Variants in MACROD2 observed in about 807,000 individuals in gnomAD.
The protein encoded by MACROD2 is ADP-ribose glycohydrolase MACROD2.
A neutral mutation model predicts 70.4 loss-of-function variants in MACROD2; 36 were observed. The ratio of observed to expected loss-of-function variants is 0.51; its 90% CI spans 0.39 to 0.68. The LOEUF (loss-of-function observed/expected upper bound fraction) is 0.68, where lower values mean the gene tolerates loss of function less well. Ranked by LOEUF, MACROD2 falls within the 30% of genes least tolerant of loss-of-function variation. MACROD2 has a pLI of 0.00. For missense variants in MACROD2, 496 were observed against 538.4 expected, an observed-to-expected ratio of 0.92 and a Z score of 0.78; for synonymous variants, 172 against 178.8, an observed-to-expected ratio of 0.96 and a Z score of 0.30.
intron 2 of MACROD2, among the ~76,000 whole-genome samples, chr20:14,025,463 TTTCTCCTGTGG>T (rs748404416): frequency 2.6e-5 from 4 of 152,200 alleles, no homozygotes; most frequent in Non-Finnish European, 5.9e-5. Context: ...TCTTTCCCAC[TTTCTCCTGTGG>T]GCATTTAGTG....
chr20:14,286,939 T>C (rs982828841), intron 3 of MACROD2, among the ~76,000 whole-genome samples: 7 of 152,184 alleles, frequency 4.6e-5, no homozygotes, highest in Admixed American at 3.3e-4. Flanking sequence ...ACATTATTCT[T>C]CCAATATTTT....
intron 6 of MACROD2, among the ~76,000 whole-genome samples, chr20:15,310,455 A>T (rs1469794809): frequency 6.6e-6 from 1 of 152,176 alleles, no homozygotes; most frequent in East Asian, 1.9e-4. Context: ...CATTTCCCTG[A>T]GAGCTGCCAA....
intron 8 of MACROD2, among the ~76,000 whole-genome samples, chr20:15,835,706 T>C (rs1267941043): frequency 6.6e-6 from 1 of 152,190 alleles, no homozygotes; most frequent in African/African-American, 2.4e-5. Context: ...ATGAGGAAAC[T>C]GAAGCTTAGA....
intron 7 of MACROD2, among the ~76,000 whole-genome samples, chr20:15,470,472 A>G (rs138746781): frequency 1.7e-3 from 264 of 152,186 alleles, no homozygotes; most frequent in Non-Finnish European, 3.1e-3. Context: ...AACCTTCAAC[A>G]GGGGTTGGAG....
intron 7 of MACROD2, among the ~76,000 whole-genome samples, chr20:15,471,062 C>CT (rs768472106): frequency 1.2e-4 from 19 of 152,176 alleles, no homozygotes; most frequent in Non-Finnish European, 2.6e-4. Flanking sequence ...GTATGTGCCC[C>CT]TTTCTCCTCT....
chr20:15,846,736 G>A (rs1026037282), intron 8 of MACROD2, among the ~76,000 whole-genome samples: 9 of 151,928 alleles, frequency 5.9e-5, no homozygotes, highest in African/African-American at 9.7e-5. Flanking sequence ...AAAACATGGC[G>A]AAATGTCAGA....
chr20:15,710,870 C>T (rs905806067), intron 8 of MACROD2, among the ~76,000 whole-genome samples: 6 of 152,082 alleles, frequency 3.9e-5, no homozygotes, highest in Admixed American at 1.3e-4. Flanking sequence ...ATGTATTGGC[C>T]CCCAGAGACT....
At chr20:14,368,764 T>A (rs2083296646) in intron 3 of MACROD2, among the ~76,000 whole-genome samples, 1 of 152,146 alleles carries the variant, frequency 6.6e-6, no homozygotes, top group African/African-American at 2.4e-5. Context: ...AGCTAGTGTC[T>A]TGATAGAGAA....
At position 14,287,698 on chromosome 20, in the gene MACROD2, T is replaced by C. The variant is rs183915563; in HGVS notation, c.271+201970T>C. 7.9e-5 allele frequency among the ~76,000 whole-genome samples: 12 copies of C among 152,314 alleles called. 1 individual carries two copies. The East Asian group carries it at 2.3e-3, about 29-fold the overall frequency. ...CTGCAATCAAGGTTTGAGCCAGGGCTAGATTCTCATTTACAGGCTCAACTT... is the reference window on the plus strand; with the variant it reads ...CTGCAATCAAGGTTTGAGCCAGGGCCAGATTCTCATTTACAGGCTCAACTT... On this transcript the variant is annotated intron_variant, in intron 3 of 17. Transcript: ENST00000684519.
intron 8 of MACROD2, among the ~76,000 whole-genome samples, chr20:15,548,682 C>T (rs1198110114): frequency 6.6e-6 from 1 of 152,206 alleles, no homozygotes; most frequent in East Asian, 1.9e-4. Flanking sequence ...GTGTGAGCCA[C>T]TGCACCCGGC....
At chr20:14,892,609 C>G (rs1048218454) in intron 5 of MACROD2, 1 of 152,138 alleles carries the variant, frequency 6.6e-6, no homozygotes, top group South Asian at 2.1e-4. Flanking sequence ...ACTATATTCA[C>G]GTTGTTATGC....
At chr20:14,230,654 T>TATATATATATATAAAAAAA in intron 3 of MACROD2, among the ~76,000 whole-genome samples, 3 of 74,240 alleles carry the variant, frequency 4.0e-5, no homozygotes, top group Admixed American at 1.8e-4. Context: ...TATATATATA[T>TATATATATATATAAAAAAA]AACACAGGCT....
At chr20:14,428,577 T>C (rs950689600) in intron 3 of MACROD2, among the ~76,000 whole-genome samples, 1 of 152,136 alleles carries the variant, frequency 6.6e-6, no homozygotes, top group Non-Finnish European at 1.5e-5. Flanking sequence ...TTGGTTTAAA[T>C]GTGAAAATAA....
At chr20:14,972,283 G>A (rs948610520) in intron 5 of MACROD2, among the ~76,000 whole-genome samples, 1 of 152,044 alleles carries the variant, frequency 6.6e-6, no homozygotes, top group Non-Finnish European at 1.5e-5. Context: ...TGTGGGAGGG[G>A]CAAGGTCACA....
intron 13 of MACROD2, among the ~76,000 whole-genome samples, chr20:15,978,582 G>GTCTCTCTCTCTCTCTCTCTCTCTC: frequency 6.8e-6 from 1 of 146,428 alleles, no homozygotes; most frequent in East Asian, 2.0e-4. Context: ...CTGACCTTGG[G>GTCTCTCTCTCTCTCTCTCTCTCTC]TCTCTCTCTC....
At chr20:15,420,551 A>G (rs1479129004) in intron 6 of MACROD2, among the ~76,000 whole-genome samples, 1 of 152,088 alleles carries the variant, frequency 6.6e-6, no homozygotes, top group African/African-American at 2.4e-5. Context: ...TTTTGAATGC[A>G]GTTTTTGAAG....
At chr20:14,719,799 A>G (rs11906293) in intron 5 of MACROD2, among the ~76,000 whole-genome samples, 1,688 of 152,300 alleles carry the variant, frequency 0.011, 34 homozygotes, top group African/African-American at 0.039. Flanking sequence ...TTTGGTCATT[A>G]AAAGCTCCCA....
chr20:14,789,459 A>ATTTTTTT (rs1230000349), intron 5 of MACROD2, among the ~76,000 whole-genome samples: 2 of 48,826 alleles, frequency 4.1e-5, no homozygotes, highest in Non-Finnish European at 4.4e-5. Context: ...AGGTAGTGCA[A>ATTTTTTT]ATTTTTTTTT....
At chr20:15,754,292 A>T (rs900801378) in intron 8 of MACROD2, among the ~76,000 whole-genome samples, 21 of 152,158 alleles carry the variant, frequency 1.4e-4, no homozygotes, top group Admixed American at 1.3e-3. Context: ...TTAGGAAAAA[A>T]ATAAATCAGC....
Sources: allele counts gnomAD v4.1 joint callset (sites outside exome capture counted in the v4.1 genomes callset), GRCh38; gene constraint gnomAD v4.1.1; transcripts MANE v1.5; gene names NCBI Gene and HGNC (gene_info 2026-07-23, HGNC 2026-07-21).